The following MACROD2 variants were observed in gnomAD, a reference collection of about 807,000 sequenced individuals.
MACROD2 encodes mono-ADP ribosylhydrolase 2.
A neutral mutation model predicts 70.4 loss-of-function variants in MACROD2; 36 were observed. That is an observed-to-expected ratio of 0.51 (90% CI 0.39 to 0.68). MACROD2 has a LOEUF of 0.68. Among genes scored for constraint, MACROD2 ranks in the 30% least tolerant of loss-of-function variants. MACROD2 has a pLI of 0.00. For synonymous variants in MACROD2, 172 were observed against 178.8 expected (o/e 0.96, Z 0.30); for missense variants, 496 against 538.4 (o/e 0.92, Z 0.78).
At position 14,519,764 on chromosome 20, in the gene MACROD2, A is replaced by G. The variant is rs139643180; in HGVS notation, c.301+26256A>G. Reference sequence around the variant, plus strand: ...TGTCCTAACATAAAGACACATGCATATGTATGTTAATCGCAGCACTATTCA... The same window carrying G: ...TGTCCTAACATAAAGACACATGCATGTGTATGTTAATCGCAGCACTATTCA... On this transcript the variant is annotated intron_variant, in intron 4 of 17. Coordinates refer to ENST00000684519, the MANE Select transcript of MACROD2 (RefSeq NM_001351661.2). Among the ~76,000 whole-genome samples, 16 of 152,328 alleles carry G rather than the reference A, an allele frequency of 1.1e-4. No homozygotes were observed. In the East Asian group the frequency reaches 2.7e-3, roughly 26 times the overall value.
At chr20:15,169,584 A>G (rs957423914) in intron 5 of MACROD2, among the ~76,000 whole-genome samples, 2 of 152,236 alleles carry the variant, frequency 1.3e-5, no homozygotes, top group African/African-American at 4.8e-5. Context: ...GTTATTGCAG[A>G]GGGATTTAAG....
chr20:14,926,249 T>TA (rs1217783710), intron 5 of MACROD2, among the ~76,000 whole-genome samples: 3 of 152,104 alleles, frequency 2.0e-5, no homozygotes, highest in Non-Finnish European at 2.9e-5. Context: ...AAGCAGTTTT[T>TA]AAAAAAATAG....
At chr20:14,688,096 C>A (rs567365465) in intron 5 of MACROD2, among the ~76,000 whole-genome samples, 144 of 152,206 alleles carry the variant, frequency 9.5e-4, no homozygotes, top group African/African-American at 3.1e-3. Context: ...GAAAAGGGAG[C>A]TCGTTACATA....
rs753925920 is a variant in MACROD2, at chr20:15,308,615, G to A, written c.540+78554G>A. Among the ~76,000 whole-genome samples, 5 of 152,278 alleles carry A rather than the reference G, an allele frequency of 3.3e-5. No homozygotes were observed. In the East Asian group the frequency reaches 5.8e-4, roughly 18 times the overall value. ...AATTTACACTCTTTTAATGGCTTAT[G>A]TATAGTTGAGGTCCACTTACTTGCC... On this transcript the variant is annotated intron_variant, in intron 6 of 17. Transcript: ENST00000684519.
At chr20:14,846,796 C>G (rs1197401497) in intron 5 of MACROD2, among the ~76,000 whole-genome samples, 1 of 150,916 alleles carries the variant, frequency 6.6e-6, no homozygotes, top group East Asian at 1.9e-4. Context: ...GGATTACAGG[C>G]GTGAGCCACC....
chr20:15,793,126 TGTG>T (rs2063640706), intron 8 of MACROD2, among the ~76,000 whole-genome samples: 2 of 152,142 alleles, frequency 1.3e-5, no homozygotes, highest in Non-Finnish European at 2.9e-5. Context: ...AAAGACTGTG[TGTG>T]TGTGTGCATG....
At chr20:15,548,564 T>G (rs955685959) in intron 8 of MACROD2, among the ~76,000 whole-genome samples, 1 of 151,994 alleles carries the variant, frequency 6.6e-6, no homozygotes, top group African/African-American at 2.4e-5. Context: ...CCTGGCTAAT[T>G]TTTGTATTTT....
At chr20:15,909,492 A>G (rs888146973) in intron 10 of MACROD2, among the ~76,000 whole-genome samples, 5 of 151,138 alleles carry the variant, frequency 3.3e-5, no homozygotes, top group African/African-American at 1.2e-4. Flanking sequence ...CTTCAGTATC[A>G]TACACATAAG....
At chr20:15,091,322 G>T (rs905177368) in intron 5 of MACROD2, among the ~76,000 whole-genome samples, 1 of 151,224 alleles carries the variant, frequency 6.6e-6, no homozygotes, top group African/African-American at 2.4e-5. Context: ...ATACAAAAAG[G>T]TTAGGGAAGG....
At chr20:14,182,757 C>T (rs951972952) in intron 3 of MACROD2, among the ~76,000 whole-genome samples, 22 of 151,744 alleles carry the variant, frequency 1.4e-4, no homozygotes, top group Non-Finnish European at 2.4e-4. Context: ...TTTTTTCTCC[C>T]GGGTCACTTT....
intron 15 of MACROD2, among the ~76,000 whole-genome samples, chr20:16,021,729 A>G (rs1483263884): frequency 1.3e-5 from 2 of 152,210 alleles, no homozygotes; most frequent in African/African-American, 4.8e-5. Flanking sequence ...CTGAATCGCA[A>G]TGAGGTTAAA....
At chr20:14,654,510 C>A (rs1333071600) in intron 4 of MACROD2, among the ~76,000 whole-genome samples, 3 of 148,492 alleles carry the variant, frequency 2.0e-5, no homozygotes, top group Non-Finnish European at 3.0e-5. Flanking sequence ...CGTGCCTTTG[C>A]ACTCCACCCT....
At chr20:15,973,650 A>G (rs950931897) in intron 13 of MACROD2, among the ~76,000 whole-genome samples, 1 of 152,222 alleles carries the variant, frequency 6.6e-6, no homozygotes, top group Non-Finnish European at 1.5e-5. Flanking sequence ...AGTAAGTGTA[A>G]TTAGGTTACT....
At chr20:14,289,753 T>C (rs1393029041) in intron 3 of MACROD2, among the ~76,000 whole-genome samples, 1 of 152,106 alleles carries the variant, frequency 6.6e-6, no homozygotes, top group African/African-American at 2.4e-5. Flanking sequence ...TGTTGCCCAG[T>C]CTGGTCTTGA....
At chr20:15,108,927 G>C (rs968488072) in intron 5 of MACROD2, among the ~76,000 whole-genome samples, 2 of 152,068 alleles carry the variant, frequency 1.3e-5, no homozygotes, top group Admixed American at 6.6e-5. Flanking sequence ...CCCCATGCCA[G>C]ATGTGTCTGT....
chr20:15,138,623 T>C (rs887572977), intron 5 of MACROD2, among the ~76,000 whole-genome samples: 2 of 152,206 alleles, frequency 1.3e-5, no homozygotes, highest in Non-Finnish European at 2.9e-5. Flanking sequence ...CATGTTGTTA[T>C]TTTTGCACTT....
chr20:15,152,795 C>T (rs921695430), intron 5 of MACROD2, among the ~76,000 whole-genome samples: 1 of 152,058 alleles, frequency 6.6e-6, no homozygotes, highest in Non-Finnish European at 1.5e-5. Context: ...TGATTAAACA[C>T]CAAGGGAAGG....
intron 8 of MACROD2, among the ~76,000 whole-genome samples, chr20:15,557,288 C>A (rs1440363289): frequency 6.6e-6 from 1 of 151,932 alleles, no homozygotes; most frequent in Admixed American, 6.6e-5. Flanking sequence ...AAAATACAGG[C>A]TAGGACAAGA....
At chr20:15,800,748 G>T (rs1490229273) in intron 8 of MACROD2, among the ~76,000 whole-genome samples, 5 of 152,220 alleles carry the variant, frequency 3.3e-5, no homozygotes, top group East Asian at 1.9e-4. Flanking sequence ...GAATAGAAAG[G>T]GGGGAAAGGA....
Sources: gnomAD v4.1 joint callset for allele counts (sites outside exome capture counted in the v4.1 genomes callset) on GRCh38, gnomAD v4.1.1 for gene constraint, MANE v1.5 for transcripts, NCBI Gene and HGNC (gene_info 2026-07-23, HGNC 2026-07-21) for gene names.